CDC23: variants seen among roughly 807,000 people sequenced by gnomAD.
CDC23 encodes cell division cycle protein 23 homolog.
A neutral mutation model predicts 81.7 loss-of-function variants in CDC23; 26 were observed. The observed-to-expected ratio is 0.32, with a 90% CI of 0.23 to 0.44. CDC23 has a LOEUF of 0.44. Ranked by LOEUF, CDC23 falls within the 20% of genes least tolerant of loss-of-function variation. The pLI, the probability that CDC23 is intolerant of heterozygous loss-of-function variation, is 1.00. For missense variants in CDC23, 519 were observed against 728.0 expected (o/e 0.71, Z 3.30); for synonymous variants, 267 against 270.8 (o/e 0.99, Z 0.14).
At chr5:138,199,645 G>A (rs953949950) in intron 6 of CDC23, among the ~76,000 whole-genome samples, 1 of 152,232 alleles carries the variant, frequency 6.6e-6, no homozygotes, top group Non-Finnish European at 1.5e-5. Flanking sequence ...GATAAAGGCA[G>A]ATAAGAGAAA....
chr5:138,206,442 A>G (rs898651336), intron 3 of CDC23, 105 bp downstream of exon 3: 2 of 1,100,538 alleles, frequency 1.8e-6, no homozygotes, highest in African/African-American at 3.1e-5. Context: ...AAGTACATTC[A>G]TTCAGTGGCC....
intron 12 of CDC23, 113 bp downstream of exon 12, chr5:138,191,749 G>T: frequency 1.0e-6 from 1 of 996,798 alleles, no homozygotes; most frequent in Non-Finnish European, 1.6e-6. Flanking sequence ...TAAATATTCA[G>T]ACTTTCCTAT....
chr5:138,206,827 A>G (rs180727568), intron 2 of CDC23, 143 bp from the exon 3 acceptor site: 29 of 419,210 alleles, frequency 6.9e-5, no homozygotes, highest in Middle Eastern at 6.3e-4. Context: ...GTAGATGCAT[A>G]TATATATAAT....
intron 2 of CDC23, among the ~76,000 whole-genome samples, chr5:138,212,172 A>G (rs1755120594): frequency 6.6e-6 from 1 of 152,132 alleles, no homozygotes; most frequent in Non-Finnish European, 1.5e-5. Flanking sequence ...TACTATTACT[A>G]TCGTCACTGC....
chr5:138,193,269 T>TACA (rs1285031634), intron 9 of CDC23, among the ~76,000 whole-genome samples: 1 of 152,144 alleles, frequency 6.6e-6, no homozygotes, highest in African/African-American at 2.4e-5. Context: ...ATCGGTGGTT[T>TACA]TCAAACTATA....
At chr5:138,198,324 C>G in intron 8 of CDC23, 44 bp from the exon 9 acceptor site, 1 of 1,586,508 alleles carries the variant, frequency 6.3e-7, no homozygotes, top group Non-Finnish European at 8.6e-7. Flanking sequence ...AAAAAGAACT[C>G]CCTAAATTAT....
chr5:138,193,504 G>C (rs1177459470), intron 9 of CDC23, among the ~76,000 whole-genome samples: 1 of 152,128 alleles, frequency 6.6e-6, no homozygotes, highest in African/African-American at 2.4e-5. Context: ...GCTGAGGCAG[G>C]AGAATCGCTT....
chr5:138,212,933 G>A (rs764434881), intron 2 of CDC23, 58 bp downstream of exon 2: 1 of 1,442,644 alleles, frequency 6.9e-7, no homozygotes, highest in East Asian at 2.3e-5. Flanking sequence ...GGCACTCAGT[G>A]GCTCTTGAGG....
At chr5:138,192,047 C>A in intron 11 of CDC23, 110 bp from the exon 12 acceptor site, 2 of 988,218 alleles carry the variant, frequency 2.0e-6, no homozygotes, top group African/African-American at 1.6e-5. Flanking sequence ...TGGTCTTTAA[C>A]CTGATGCTCC....
At position 138,189,192 on chromosome 5, in the gene CDC23, A is replaced by G. The variant is rs1357451890; in HGVS notation, c.1624-44T>C. 5 of 1,573,122 alleles carry G rather than the reference A, an allele frequency of 3.2e-6. No homozygotes were observed. In the South Asian group the frequency reaches 5.7e-5, roughly 18 times the overall value. On this transcript the variant is annotated intron_variant, in intron 15 of 15. Coordinates refer to ENST00000394886, the MANE Select transcript of CDC23 (RefSeq NM_004661.4). ...AATGTTTCAAAACATGTCCAAAGCT[A>G]GTCTCGAAAACAAGTTATTAAGATG...
chr5:138,195,567 T>C (rs1229136254), intron 9 of CDC23, among the ~76,000 whole-genome samples: 1 of 90,848 alleles, frequency 1.1e-5, no homozygotes, highest in South Asian at 3.2e-4. Context: ...ATATAATATA[T>C]TTATATATAA....
At chr5:138,195,258 G>T (rs1005917865) in intron 9 of CDC23, among the ~76,000 whole-genome samples, 5 of 151,202 alleles carry the variant, frequency 3.3e-5, no homozygotes, top group African/African-American at 9.7e-5. Flanking sequence ...GTAACTTAAA[G>T]GGGGAAAGGT....
chr5:138,202,621 G>A (rs528979852), intron 3 of CDC23, among the ~76,000 whole-genome samples: 4 of 152,184 alleles, frequency 2.6e-5, no homozygotes, highest in Non-Finnish European at 5.9e-5. Flanking sequence ...GGCCTCCCTG[G>A]CCAAATCTGG....
chr5:138,195,763 AT>A (rs1300113448), intron 9 of CDC23, among the ~76,000 whole-genome samples: 12 of 77,006 alleles, frequency 1.6e-4, no homozygotes, highest in South Asian at 4.2e-4. Flanking sequence ...ATATACATAT[AT>A]TATATATGTG....
intron 2 of CDC23, among the ~76,000 whole-genome samples, chr5:138,210,017 C>A (rs1434950329): frequency 6.6e-6 from 1 of 151,906 alleles, no homozygotes; most frequent in Non-Finnish European, 1.5e-5. Flanking sequence ...AGTTCGAGAC[C>A]AGCCTGGCCA....
intron 9 of CDC23, among the ~76,000 whole-genome samples, chr5:138,196,110 G>A (rs566098896): frequency 1.3e-5 from 2 of 150,828 alleles, no homozygotes; most frequent in African/African-American, 4.9e-5. Context: ...AATGTTCCCC[G>A]CTCTGATTTT....
intron 11 of CDC23, 50 bp from the exon 12 acceptor site, chr5:138,191,987 G>A: frequency 1.3e-6 from 2 of 1,518,566 alleles, no homozygotes; most frequent in Non-Finnish European, 1.8e-6. Flanking sequence ...AGAAACTGAA[G>A]TTCTCTTTTG....
intron 2 of CDC23, among the ~76,000 whole-genome samples, chr5:138,207,871 G>A (rs191416315): frequency 2.5e-4 from 38 of 152,042 alleles, no homozygotes; most frequent in Admixed American, 2.4e-3. Flanking sequence ...CCTTGCTGCA[G>A]TGAGCCAAGA....
At chr5:138,203,265 GAT>G (rs1755009065) in intron 3 of CDC23, among the ~76,000 whole-genome samples, 1 of 152,208 alleles carries the variant, frequency 6.6e-6, no homozygotes, top group African/African-American at 2.4e-5. Flanking sequence ...GACTTTTGTT[GAT>G]ATGTGTCAAT....
Sources: allele counts gnomAD v4.1 joint callset (sites outside exome capture counted in the v4.1 genomes callset), GRCh38; gene constraint gnomAD v4.1.1; transcripts MANE v1.5; gene names NCBI Gene and HGNC (gene_info 2026-07-23, HGNC 2026-07-21).